PCDHGB7: variants seen among roughly 807,000 people sequenced by gnomAD.
PCDHGB7 encodes the protein protocadherin gamma subfamily B, 7.
Under a neutral mutation model 61.4 loss-of-function variants are expected in PCDHGB7, and 37 were observed. That is an observed-to-expected ratio of 0.60 (90% CI 0.46 to 0.79). The LOEUF (loss-of-function observed/expected upper bound fraction) is 0.79. Among genes scored for constraint, PCDHGB7 ranks in the 30% least tolerant of loss-of-function variants. PCDHGB7 has a pLI of 0.00. For missense variants in PCDHGB7, 1,166 were observed against 1,202.5 expected, an observed-to-expected ratio of 0.97 and a Z score of 0.45; for synonymous variants, 464 against 503.5, an observed-to-expected ratio of 0.92 and a Z score of 1.05.
rs781026604 is a variant in PCDHGB7, at chr5:141,490,471, C to A, written c.2416-4336C>A. The A allele has an allele frequency of 6.2e-7, 1 of 1,614,214 alleles. No individual in the cohort carries two copies. The highest frequency in any genetic ancestry group is 1.1e-5 in the South Asian group (1 of 91,088). On this transcript the variant is annotated intron_variant, in intron 1 of 3. Transcript: ENST00000398594. This position sits in a 1 kb window ranked among gnomAD's most constrained non-coding sequence, Gnocchi z 5.4. ...CCACTACTCGCTGCTAACCAGCCAGCCTTTGGACCGGGAGGCCACATCCCA... is the reference window on the plus strand; with the variant it reads ...CCACTACTCGCTGCTAACCAGCCAGACTTTGGACCGGGAGGCCACATCCCA...
chr5:141,467,296 A>G lies in PCDHGB7; in HGVS notation c.2416-27511A>G, dbSNP rs1032802325. Among the ~76,000 whole-genome samples the G allele has an allele frequency of 6.6e-5, 10 of 151,858 alleles. No individual in the cohort carries two copies. The East Asian group carries it at 9.7e-4, about 15-fold the overall frequency. On this transcript the variant is annotated intron_variant, in intron 1 of 3. Transcript: ENST00000398594. The stretch of plus-strand genomic sequence containing the variant: ...TCGAACTCTTGACCTCAAGTGATCC[A>G]CTCACCTCGGCCTCCCACAGTGCTG...
intron 1 of PCDHGB7, among the ~76,000 whole-genome samples, chr5:141,460,317 A>G (rs1045494740): frequency 4.6e-5 from 7 of 152,260 alleles, no homozygotes; most frequent in African/African-American, 1.7e-4. Flanking sequence ...CTCCTTGCCT[A>G]CTGAAAACTT....
At chr5:141,458,820 C>T (rs2098954225) in intron 1 of PCDHGB7, among the ~76,000 whole-genome samples, 1 of 152,070 alleles carries the variant, frequency 6.6e-6, no homozygotes, top group African/African-American at 2.4e-5. Flanking sequence ...GCAACCTCTG[C>T]CTCCCAGGCT....
At chr5:141,509,953 G>A (rs987910496) in intron 3 of PCDHGB7, among the ~76,000 whole-genome samples, 4 of 152,282 alleles carry the variant, frequency 2.6e-5, no homozygotes, top group Non-Finnish European at 4.4e-5. Context: ...AAATGCTACC[G>A]GGTATGGCCT....
intron 2 of PCDHGB7, among the ~76,000 whole-genome samples, chr5:141,504,572 A>G (rs184273457): frequency 6.7e-6 from 1 of 148,962 alleles, no homozygotes; most frequent in Admixed American, 6.9e-5. Flanking sequence ...TCTAGGGAAC[A>G]CCATCTGCCC....
At chr5:141,427,818 G>A (rs1356936077) in intron 1 of PCDHGB7, 3 of 1,530,644 alleles carry the variant, frequency 2.0e-6, no homozygotes, top group Non-Finnish European at 2.7e-6. Context: ...GAGCGGGGTG[G>A]TGGTCGCGCA....
At position 141,477,898 on chromosome 5, in the gene PCDHGB7, A is replaced by C; in HGVS notation, c.2416-16909A>C. The C allele has an allele frequency of 6.2e-7, 1 of 1,614,158 alleles. No individual in the cohort carries two copies. Among genetic ancestry groups the C allele is most frequent in the East Asian group, 2.2e-5 (1 of 44,864 alleles). ...CTGGCCACCTAGTGTCACGGGTGGT[A>C]GGCTGGGACGCGGATGCAGGGCACA... On this transcript the variant is annotated intron_variant, in intron 1 of 3. Transcript: ENST00000398594. This position sits in a 1 kb window ranked among gnomAD's most constrained non-coding sequence, Gnocchi z 4.9.
rs192631651 is a variant in PCDHGB7, at chr5:141,432,052, C to G, written c.2415+11778C>G. On this transcript the variant is annotated intron_variant, in intron 1 of 3. Transcript: ENST00000398594. The surrounding 1 kb of genome is among the most constrained non-coding windows in gnomAD (Gnocchi z 6.0). Reference sequence around the variant, plus strand: ...CCGCCACTGACCGGGGAACCCCGCCCCTATCCACGGAAACTCATATCTCGC... The same window carrying G: ...CCGCCACTGACCGGGGAACCCCGCCGCTATCCACGGAAACTCATATCTCGC... The G allele has an allele frequency of 8.1e-6, 13 of 1,614,226 alleles. No homozygotes were observed. In the Admixed American group the frequency reaches 1.8e-4, roughly 23 times the overall value.
At chr5:141,473,733 G>A (rs943072050) in intron 1 of PCDHGB7, among the ~76,000 whole-genome samples, 19 of 152,214 alleles carry the variant, frequency 1.2e-4, no homozygotes, top group Admixed American at 3.9e-4. Flanking sequence ...GAGAGAGGGA[G>A]AAGACATGAG....
rs768265171 is a variant in PCDHGB7, at chr5:141,432,847, G to T, written c.2415+12573G>T. The T allele has an allele frequency of 6.2e-7, 1 of 1,614,180 alleles. No homozygotes were observed. On this transcript the variant is annotated intron_variant, in intron 1 of 3. Transcript: ENST00000398594. The surrounding 1 kb of genome is among the most constrained non-coding windows in gnomAD (Gnocchi z 6.0). ...ACCTCACTCTGTACCTGGTGGTAGC[G>T]GTGGCCGCGGTCTCCTGCGTCTTCC...
At chr5:141,460,951 G>GTATATATA (rs200454978) in intron 1 of PCDHGB7, among the ~76,000 whole-genome samples, 42 of 139,772 alleles carry the variant, frequency 3.0e-4, no homozygotes, top group African/African-American at 1.1e-3. Context: ...TATGTATTAT[G>GTATATATA]TATATATATA....
rs781591902 is a variant in PCDHGB7, at chr5:141,477,086, G to A, written c.2416-17721G>A. The A allele has an allele frequency of 1.1e-5, 18 of 1,614,128 alleles. No individual in the cohort carries two copies. In the East Asian group the frequency reaches 3.8e-4, roughly 34 times the overall value. The stretch of plus-strand genomic sequence containing the variant: ...CAAACTCCATGAGATTTACATCCAG[G>A]CCAAAGACAAGGGCGCCAATCCCGA... On this transcript the variant is annotated intron_variant, in intron 1 of 3. Coordinates refer to ENST00000398594, the MANE Select transcript of PCDHGB7 (RefSeq NM_018927.4). The surrounding 1 kb of genome is among the most constrained non-coding windows in gnomAD (Gnocchi z 4.9).
chr5:141,431,003 G>T lies in PCDHGB7; in HGVS notation c.2415+10729G>T, dbSNP rs2097334899. ...GCTTTTCGCCCTGAATCCGCGCAGC[G>T]GCAGCTTGGTCACGGCGGGCAGGAT... On this transcript the variant is annotated intron_variant, in intron 1 of 3. Coordinates refer to ENST00000398594, the MANE Select transcript of PCDHGB7 (RefSeq NM_018927.4). This position sits in a 1 kb window ranked among gnomAD's most constrained non-coding sequence, Gnocchi z 4.8. 1.9e-6 allele frequency: 3 copies of T among 1,613,960 alleles called. No homozygotes were observed. The highest frequency in any genetic ancestry group is 2.5e-6 in the Non-Finnish European group (3 of 1,179,982).
At chr5:141,430,902 T>C (rs373775073) in intron 1 of PCDHGB7, 4 of 1,606,232 alleles carry the variant, frequency 2.5e-6, no homozygotes, top group Admixed American at 3.4e-5. Context: ...GTGGGCGACA[T>C]CTCCAGGGAC....
At chr5:141,427,599 C>G (rs1233253295) in intron 1 of PCDHGB7, 1 of 682,980 alleles carries the variant, frequency 1.5e-6, no homozygotes, top group African/African-American at 1.8e-5. Flanking sequence ...CCTCACCCTA[C>G]GCATTGGTGA....
chr5:141,423,758 G>GGGT, intron 1 of PCDHGB7: 1 of 366,842 alleles, frequency 2.7e-6, no homozygotes, highest in Non-Finnish European at 3.8e-6. Context: ...TTTGGGGGGG[G>GGGT]GGTGGGGCGG....
intron 3 of PCDHGB7, among the ~76,000 whole-genome samples, chr5:141,510,691 T>C (rs1013489554): frequency 4.6e-5 from 7 of 152,138 alleles, no homozygotes; most frequent in African/African-American, 1.7e-4. Flanking sequence ...GGAGGTTAGG[T>C]AGACTTGCCC....
chr5:141,471,646 G>C (rs935284198), intron 1 of PCDHGB7: 1 of 152,108 alleles, frequency 6.6e-6, no homozygotes, highest in Non-Finnish European at 1.5e-5. Flanking sequence ...GTAATATACT[G>C]GATGTGGGGA....
intron 1 of PCDHGB7, among the ~76,000 whole-genome samples, chr5:141,453,360 C>T (rs966238012): frequency 6.6e-6 from 1 of 152,000 alleles, no homozygotes; most frequent in Non-Finnish European, 1.5e-5. Context: ...CCCTGAACTC[C>T]TGGGGTCAAG....
Sources: allele counts gnomAD v4.1 joint callset (sites outside exome capture counted in the v4.1 genomes callset), GRCh38; gene constraint gnomAD v4.1.1; non-coding constraint Gnocchi (gnomAD v3.1); transcripts MANE v1.5; gene names NCBI Gene and HGNC (gene_info 2026-07-23, HGNC 2026-07-21).